Variants in SPRED1 observed in about 807,000 individuals in gnomAD.
SPRED1 encodes the protein sprouty-related, EVH1 domain-containing protein 1.
SPRED1 carries 18 observed loss-of-function variants against 52.3 expected under a neutral mutation model. The observed-to-expected ratio is 0.34, with a 90% CI of 0.24 to 0.51. The LOEUF is 0.51. Ranked by LOEUF, SPRED1 falls within the 20% of genes least tolerant of loss-of-function variation. The probability of loss-of-function intolerance (pLI) is 0.97; values close to 1 mark genes in which losing one functional copy is unlikely to be tolerated. For synonymous variants in SPRED1, 155 were observed against 179.7 expected (o/e 0.86, Z 1.10); for missense variants, 485 against 551.0 (o/e 0.88, Z 1.20).
chr15:38,253,863 G>A (rs917025098), intron 1 of SPRED1, among the ~76,000 whole-genome samples: 1 of 152,144 alleles, frequency 6.6e-6, no homozygotes, highest in East Asian at 1.9e-4. Flanking sequence ...CTTCAGGAAC[G>A]GAGAAGAATT....
At chr15:38,300,141 G>A (rs1485355847) in intron 2 of SPRED1, among the ~76,000 whole-genome samples, 1 of 152,094 alleles carries the variant, frequency 6.6e-6, no homozygotes, top group African/African-American at 2.4e-5. Context: ...CCATGCAGAT[G>A]TGTGGTTTCT....
chr15:38,321,427 A>G (rs894116668), intron 2 of SPRED1, among the ~76,000 whole-genome samples: 15 of 152,108 alleles, frequency 9.9e-5, no homozygotes, highest in African/African-American at 3.1e-4. Context: ...TAGTACTGCA[A>G]TTTCTGTTTT....
chr15:38,323,609 G>GA (rs1035526779), intron 3 of SPRED1, among the ~76,000 whole-genome samples: 21 of 105,600 alleles, frequency 2.0e-4, no homozygotes, highest in Non-Finnish European at 2.8e-4. Flanking sequence ...TGAATTTGAA[G>GA]AAAAAAAAAT....
chr15:38,324,616 A>G, intron 3 of SPRED1, 147 bp from the exon 4 acceptor site: 1 of 630,186 alleles, frequency 1.6e-6, no homozygotes, highest in Non-Finnish European at 2.8e-6. Flanking sequence ...GGGCAAATGC[A>G]AGTGGCCAGT....
At chr15:38,262,529 GA>G (rs1486892818) in intron 1 of SPRED1, among the ~76,000 whole-genome samples, 1 of 152,180 alleles carries the variant, frequency 6.6e-6, no homozygotes, top group Non-Finnish European at 1.5e-5. Context: ...ACAGAAAGAA[GA>G]AAAAGTTGGA....
chr15:38,252,951 G>C lies in SPRED1; in HGVS notation c.-235G>C, dbSNP rs1894009768. 3.4e-6 allele frequency: 2 copies of C among 593,890 alleles called. No homozygotes were observed. Among genetic ancestry groups the C allele is most frequent in the South Asian group, 3.9e-5 (2 of 50,660 alleles). 36.8% of individuals were successfully genotyped at this position (593,890 alleles called of 1,614,324 possible). On this transcript the variant is annotated 5_prime_UTR_variant, in exon 1 of 7. Transcript: ENST00000299084. Reference sequence around the variant, plus strand: ...TCCCTTGGCTGGGCACTGAGGCGGGGGAAGAGGCTGGGGTCGCCACGGCGG... The same window carrying C: ...TCCCTTGGCTGGGCACTGAGGCGGGCGAAGAGGCTGGGGTCGCCACGGCGG...
chr15:38,322,188 A>T (rs577606048), intron 2 of SPRED1, 53 bp from the exon 3 acceptor site: 1 of 1,538,102 alleles, frequency 6.5e-7, no homozygotes, highest in South Asian at 1.1e-5. Context: ...TATGAGCTAC[A>T]TTAGATGCAT....
intron 1 of SPRED1, among the ~76,000 whole-genome samples, chr15:38,278,972 C>T (rs1159395794): frequency 5.3e-5 from 8 of 152,016 alleles, no homozygotes; most frequent in East Asian, 1.9e-4. Context: ...GGATTACAGG[C>T]GTACACCACC....
chr15:38,300,399 T>C (rs770735192), intron 2 of SPRED1, among the ~76,000 whole-genome samples: 3 of 152,206 alleles, frequency 2.0e-5, no homozygotes, highest in African/African-American at 4.8e-5. Flanking sequence ...TCCCTTTAAA[T>C]ATATATTTGT....
chr15:38,347,828 C>T (rs1485155519), intron 5 of SPRED1, among the ~76,000 whole-genome samples: 1 of 151,762 alleles, frequency 6.6e-6, no homozygotes, highest in African/African-American at 2.4e-5. Context: ...ATAAATTTTC[C>T]TGAAGATTAT....
chr15:38,292,270 C>A (rs1566857428), intron 1 of SPRED1, among the ~76,000 whole-genome samples: 2 of 152,186 alleles, frequency 1.3e-5, no homozygotes, highest in Non-Finnish European at 2.9e-5. Context: ...ATTTCACTAT[C>A]AGCATTTTTG....
chr15:38,276,435 G>A (rs1047905123), intron 1 of SPRED1, among the ~76,000 whole-genome samples: 12 of 151,898 alleles, frequency 7.9e-5, no homozygotes, highest in Non-Finnish European at 1.3e-4. Flanking sequence ...CTATACACCC[G>A]TTAAATGATA....
rs1193401299 is a variant in SPRED1 at position 38,299,486 on chromosome 15, A to G, written c.146A>G (p.His49Arg). The G allele has an allele frequency of 6.2e-7, 1 of 1,614,090 alleles. No individual in the cohort carries two copies. The highest frequency in any genetic ancestry group is 1.1e-5 in the South Asian group (1 of 91,086). The change falls in exon 2 of 7, where the codon CAT becomes CGT. Residue 49 changes from histidine to arginine, a missense_variant. Coordinates refer to ENST00000299084, the MANE Select transcript of SPRED1 (RefSeq NM_152594.3). ...AGCGTCACTGTCTTCAAAGTCCCTC[A>G]TCAGGAAGAGAATGGCTGTGCTGAC... ...LSSVTVFKVPHQEENGCADFF... is the reference protein window; with the variant it reads ...LSSVTVFKVPRQEENGCADFF...
chr15:38,278,826 C>CTTT (rs1199715229), intron 1 of SPRED1, among the ~76,000 whole-genome samples: 14 of 39,926 alleles, frequency 3.5e-4, no homozygotes, highest in African/African-American at 7.5e-4. Context: ...CCTAACTACA[C>CTTT]TGTTTTTTTT....
intron 5 of SPRED1, among the ~76,000 whole-genome samples, chr15:38,341,752 G>A (rs1297088686): frequency 6.6e-6 from 1 of 151,906 alleles, no homozygotes; most frequent in Non-Finnish European, 1.5e-5. Flanking sequence ...TTGGAACTTG[G>A]TTGATGGCCC....
intron 4 of SPRED1, among the ~76,000 whole-genome samples, chr15:38,331,700 A>G (rs767926828): frequency 2.0e-5 from 3 of 152,134 alleles, no homozygotes; most frequent in Non-Finnish European, 4.4e-5. Context: ...GAACATCCCT[A>G]ATATAAAAAT....
chr15:38,331,057 C>T (rs1370947564), intron 4 of SPRED1, among the ~76,000 whole-genome samples: 2 of 151,958 alleles, frequency 1.3e-5, no homozygotes, highest in African/African-American at 2.4e-5. Context: ...ATCCTTTTGC[C>T]TCCACACACA....
At chr15:38,268,353 A>G (rs1894356551) in intron 1 of SPRED1, 1 of 152,234 alleles carries the variant, frequency 6.6e-6, no homozygotes, top group South Asian at 2.1e-4. Flanking sequence ...CAACATCCCA[A>G]ATACTTCACA....
chr15:38,303,577 A>G (rs528672934), intron 2 of SPRED1, among the ~76,000 whole-genome samples: 1 of 152,298 alleles, frequency 6.6e-6, no homozygotes, highest in South Asian at 2.1e-4. Context: ...TGAATTAACT[A>G]GTATCAAAAG....
Sources: allele counts gnomAD v4.1 joint callset (sites outside exome capture counted in the v4.1 genomes callset), GRCh38; gene constraint gnomAD v4.1.1; transcripts MANE v1.5; gene names NCBI Gene and HGNC (gene_info 2026-07-23, HGNC 2026-07-21).